The following CSRP1 variants were observed in gnomAD, a reference collection of about 807,000 sequenced individuals.
The protein encoded by CSRP1 is cysteine and glycine-rich protein 1.
A neutral mutation model predicts 25.4 loss-of-function variants in CSRP1; 16 were observed. The ratio of observed to expected loss-of-function variants is 0.63; its 90% confidence interval spans 0.43 to 0.96. The LOEUF (loss-of-function observed/expected upper bound fraction) is 0.96. Among genes scored for constraint, CSRP1 ranks in the 40% least tolerant of loss-of-function variants. CSRP1 has a pLI of 0.00. For missense variants in CSRP1, 212 were observed against 243.6 expected (o/e 0.87, Z 0.86); for synonymous variants, 97 against 95.3 (o/e 1.02, Z -0.10).
chr1:201,496,275 C>T lies in CSRP1; in HGVS notation c.29G>A (p.Cys10Tyr). The T allele has an allele frequency of 6.2e-7, 1 of 1,614,172 alleles. No individual in the cohort carries two copies. The highest frequency in any genetic ancestry group is 2.2e-5 in the East Asian group (1 of 44,892). The change falls in exon 2 of 6, where the codon TGT becomes TAT. Residue 10 changes from cysteine to tyrosine, a missense_variant. Physicochemically the swap from Cys to Tyr is radical, Grantham distance 194. Coordinates refer to ENST00000340006, the MANE Select transcript of CSRP1 (RefSeq NM_004078.3). Reference sequence around the variant, plus strand: ...GTAAACCGTCTTCTGACACACCCCACATTTCTTGCCTCCTCCCCAGTTCGG... The same window carrying T: ...GTAAACCGTCTTCTGACACACCCCATATTTCTTGCCTCCTCCCCAGTTCGG... Reference protein sequence around the residue: MPNWGGGKKCGVCQKTVYFA... With the variant: MPNWGGGKKYGVCQKTVYFA...
In CSRP1 at chr1:201,499,614, T is replaced by G. The variant is rs143739140; in HGVS notation, c.-1-3310A>C. Among the ~76,000 whole-genome samples, 476 of 152,170 alleles carry G rather than the reference T, an allele frequency of 3.1e-3. 1 individual carries two copies. The highest frequency in any genetic ancestry group is 0.011 in the African/African-American group (456 of 41,526). ...TGCATCAGATGGCTCATCTGCATCA[T>G]CCCATTTCTTTATTTTTTCAAGATG... On this transcript the variant is annotated intron_variant, in intron 1 of 5. Transcript: ENST00000340006.
intron 5 of CSRP1, among the ~76,000 whole-genome samples, 174 bp from the exon 6 acceptor site, chr1:201,484,963 A>G (rs982121939): frequency 5.3e-5 from 8 of 152,030 alleles, no homozygotes; most frequent in African/African-American, 1.9e-4. Flanking sequence ...AAAATAGCGA[A>G]GAGGCTCTTG....
At chr1:201,504,377 A>T (rs1365215746) in intron 1 of CSRP1, among the ~76,000 whole-genome samples, 7 of 152,248 alleles carry the variant, frequency 4.6e-5, no homozygotes, top group Non-Finnish European at 1.0e-4. Context: ...GGTTATCCTT[A>T]TCTTAAGGAG....
At chr1:201,485,546 A>C in intron 4 of CSRP1, 170 bp from the exon 5 acceptor site, 4 of 612,756 alleles carry the variant, frequency 6.5e-6, no homozygotes, top group Admixed American at 5.4e-5. Context: ...CAGTAGAGGG[A>C]GAAGGCCAGG....
intron 2 of CSRP1, 78 bp downstream of exon 2, chr1:201,496,114 G>T: frequency 9.1e-7 from 1 of 1,094,542 alleles, no homozygotes; most frequent in Non-Finnish European, 1.4e-6. Flanking sequence ...TCCCTGGGGT[G>T]TTGACAGGCC....
chr1:201,496,038 G>T (rs1664500292), intron 2 of CSRP1, 154 bp downstream of exon 2: 2 of 631,340 alleles, frequency 3.2e-6, no homozygotes, highest in Admixed American at 2.6e-5. Context: ...AAGAGGCCCT[G>T]AAGTGTTTCC....
At chr1:201,492,907 A>T (rs641581) in intron 2 of CSRP1, 2 of 152,248 alleles carry the variant, frequency 1.3e-5, no homozygotes, top group Non-Finnish European at 1.5e-5. Flanking sequence ...GGTGTCAGAA[A>T]GTGTGCAAGG....
intron 1 of CSRP1, among the ~76,000 whole-genome samples, chr1:201,501,844 T>C (rs1664679160): frequency 6.6e-6 from 1 of 151,832 alleles, no homozygotes. Context: ...AATACAAAAA[T>C]TAGCCGGGTA....
intron 2 of CSRP1, chr1:201,495,511 A>C (rs535649589): frequency 6.6e-6 from 1 of 152,318 alleles, no homozygotes; most frequent in South Asian, 2.1e-4. Flanking sequence ...TGGAAACATC[A>C]CCTGGCCCAG....
In CSRP1 at chr1:201,489,766, AG is replaced by A. The variant is rs200855386; in HGVS notation, c.281+409del. On this transcript the variant is annotated intron_variant, in intron 3 of 5. Transcript: ENST00000340006. The stretch of plus-strand genomic sequence containing the variant: ...ATGCCTGTACTCCCAGCTACTCGGG[AG>A]CCTGAGGCAAGAGGATCACTTGAGC... The A allele has an allele frequency of 5.9e-4, 95 of 159,904 alleles. 1 individual carries two copies. The East Asian group carries it at 0.017, about 28-fold the overall frequency. 9.9% of individuals were successfully genotyped at this position (159,904 alleles called of 1,614,324 possible). A position where few individuals can be genotyped will look rare whatever the true frequency, so the allele number is the denominator to read the frequency against.
chr1:201,491,635 A>G (rs939413021), intron 2 of CSRP1: 1 of 152,228 alleles, frequency 6.6e-6, no homozygotes, highest in Non-Finnish European at 1.5e-5. Flanking sequence ...TCAAGAGATC[A>G]TTGCTTCTAA....
rs372379780 is a variant in CSRP1, at chr1:201,490,326, A to G, written c.131T>C (p.Leu44Pro). The change falls in exon 3 of 6, where the codon CTG (leucine) becomes CCG (proline). Residue 44 changes from leucine (L) to proline (P), a missense_variant. Transcript: ENST00000340006. ...ATGCACGGCCACAGTGGTACTGTCC[A>G]GATTCTTCTTGCAGACCACTGTGGA... Reference protein sequence around the residue: ...CFLCMVCKKNLDSTTVAVHGE... With the variant: ...CFLCMVCKKNPDSTTVAVHGE... 46 of 1,614,148 alleles carry G rather than the reference A, an allele frequency of 2.8e-5. 1 individual carries two copies. In the Admixed American group the frequency reaches 5.8e-4, roughly 20 times the overall value.
At chr1:201,498,358 C>T (rs1664571640) in intron 1 of CSRP1, among the ~76,000 whole-genome samples, 1 of 152,154 alleles carries the variant, frequency 6.6e-6, no homozygotes. Flanking sequence ...CGGGGGTTGC[C>T]CAGGACTTGG....
At chr1:201,485,231 C>T (rs114711064) in intron 5 of CSRP1, 52 bp downstream of exon 5, 25,434 of 1,528,848 alleles carry the variant, frequency 0.017, 280 homozygotes, top group Middle Eastern at 0.037. Flanking sequence ...ACTACTTAGC[C>T]CCCCTACCCC....
chr1:201,504,412 C>T (rs1236397670), intron 1 of CSRP1, among the ~76,000 whole-genome samples: 1 of 152,218 alleles, frequency 6.6e-6, no homozygotes, highest in African/African-American at 2.4e-5. Context: ...ACTTATCGTT[C>T]AGGTTTGTAT....
At chr1:201,501,906 T>C (rs1361225624) in intron 1 of CSRP1, among the ~76,000 whole-genome samples, 1 of 151,950 alleles carries the variant, frequency 6.6e-6, no homozygotes, top group Non-Finnish European at 1.5e-5. Context: ...GGCATGAGAA[T>C]TGCTTGAAAC....
intron 1 of CSRP1, among the ~76,000 whole-genome samples, chr1:201,501,768 G>A (rs1057436782): frequency 2.2e-4 from 33 of 152,026 alleles, no homozygotes; most frequent in Admixed American, 1.6e-3. Flanking sequence ...TGAGGCAGGC[G>A]GATCACTTGA....
rs193027007 is a variant in CSRP1 at position 201,495,073 on chromosome 1, T to G, written c.112+1119A>C. On this transcript the variant is annotated intron_variant, in intron 2 of 5. Transcript: ENST00000340006. ...CGAATCTTTTTTAACTAAGACATTC[T>G]TCTACCATCCATTCTGCCTACCATC... Among the ~76,000 whole-genome samples, 555 of 152,298 alleles carry G rather than the reference T, an allele frequency of 3.6e-3. 10 individuals carry two copies. The South Asian group carries it at 0.064, about 18-fold the overall frequency.
intron 1 of CSRP1, among the ~76,000 whole-genome samples, chr1:201,498,447 A>G (rs933714426): frequency 6.6e-6 from 1 of 152,226 alleles, no homozygotes; most frequent in Non-Finnish European, 1.5e-5. Flanking sequence ...GAGGCAAAGG[A>G]GCCTAAGGAG....
Sources: allele counts gnomAD v4.1 joint callset (sites outside exome capture counted in the v4.1 genomes callset), GRCh38; gene constraint gnomAD v4.1.1; transcripts MANE v1.5; gene names NCBI Gene and HGNC (gene_info 2026-07-23, HGNC 2026-07-21).